Variants in TMED3 observed in about 807,000 individuals in gnomAD.
The protein encoded by TMED3 is transmembrane emp24 domain-containing protein 3.
A neutral mutation model predicts 15.0 loss-of-function variants in TMED3; 9 were observed. The ratio of observed to expected loss-of-function variants is 0.60; its 90% confidence interval spans 0.36 to 1.04. TMED3 has a LOEUF of 1.04. Ranked by LOEUF, TMED3 falls within the 50% of genes least tolerant of loss-of-function variation. The probability of loss-of-function intolerance (pLI) is 0.01; values close to 1 mark genes in which losing one functional copy is unlikely to be tolerated. For missense variants in TMED3, 267 were observed against 278.9 expected (o/e 0.96, Z 0.30); for synonymous variants, 117 against 121.4 (o/e 0.96, Z 0.24).
intron 2 of TMED3, among the ~76,000 whole-genome samples, chr15:79,405,416 T>C (rs1211257918): frequency 1.3e-5 from 2 of 152,136 alleles, no homozygotes; most frequent in Non-Finnish European, 2.9e-5. Context: ...TATTAGAGAA[T>C]CCTCTCTCAC....
At chr15:79,413,733 C>T (rs1252487392) in exon 3 of TMED3, 1 of 152,144 alleles carries the variant, frequency 6.6e-6, no homozygotes, top group Admixed American at 6.5e-5. Context: ...ATCTGTGAGT[C>T]CTGGTTGGAC....
downstream of TMED3, among the ~76,000 whole-genome samples, chr15:79,325,198 A>G (rs999962115): frequency 1.5e-4 from 23 of 152,200 alleles, no homozygotes; most frequent in Non-Finnish European, 3.1e-4. Context: ...CTTGCTCCAT[A>G]CCATAGATTT....
Position 79,322,209 on chromosome 15 carries a change from T to C in TMED3, c.649T>C (p.Ser217Pro). Residue 217 changes from serine to proline, a missense_variant, in exon 3 of 3, where the codon TCC becomes CCC. Physicochemically the swap from Ser to Pro is moderately conservative, Grantham distance 74. Coordinates refer to ENST00000299705, the MANE Select transcript of TMED3 (RefSeq NM_007364.4). ...EKRPISRAVH[S>P] is the part of the protein sequence containing the mutation. ...ACGACCCATCAGCAGGGCAGTCCAC[T>C]CCTAGCCCCGGCATCCTGCTCTAGG... The C allele has an allele frequency of 6.2e-7, 1 of 1,612,322 alleles. No homozygotes were observed. Among genetic ancestry groups the C allele is most frequent in the Non-Finnish European group, 8.5e-7 (1 of 1,178,874 alleles).
intron 2 of TMED3, among the ~76,000 whole-genome samples, chr15:79,358,643 C>A (rs1014688780): frequency 6.6e-6 from 1 of 152,210 alleles, no homozygotes; most frequent in Non-Finnish European, 1.5e-5. Context: ...GGACCTCTGA[C>A]CACTGCCTTC....
intron 2 of TMED3, among the ~76,000 whole-genome samples, chr15:79,386,600 T>C (rs1352155844): frequency 6.6e-6 from 1 of 151,816 alleles, no homozygotes; most frequent in Admixed American, 6.6e-5. Context: ...AGTGCAGTGG[T>C]GCGATCTCAG....
chr15:79,386,646 T>A (rs12437750), intron 2 of TMED3, among the ~76,000 whole-genome samples: 1 of 151,668 alleles, frequency 6.6e-6, no homozygotes, highest in South Asian at 2.1e-4. Flanking sequence ...TTCAAGCAAT[T>A]CTCTGCCTCA....
intron 2 of TMED3, among the ~76,000 whole-genome samples, chr15:79,339,652 G>A (rs2058842510): frequency 1.3e-5 from 2 of 152,260 alleles, no homozygotes; most frequent in South Asian, 2.1e-4. Context: ...CTGCTAGCGG[G>A]TGGTGATGAC....
exon 3 of TMED3, chr15:79,411,585 C>T: frequency 4.4e-6 from 3 of 686,824 alleles, no homozygotes; most frequent in Non-Finnish European, 5.3e-6. Context: ...AGCTGCTGCA[C>T]AGAGCTACCA....
At chr15:79,391,172 T>G (rs1377969050) in intron 2 of TMED3, among the ~76,000 whole-genome samples, 2 of 152,032 alleles carry the variant, frequency 1.3e-5, no homozygotes, top group East Asian at 3.9e-4. Flanking sequence ...CAGGTGTGGA[T>G]GTCAGTTAGA....
chr15:79,365,785 C>T (rs1013410182), intron 2 of TMED3, among the ~76,000 whole-genome samples: 11 of 152,194 alleles, frequency 7.2e-5, no homozygotes, highest in South Asian at 4.1e-4. Context: ...TTAATTTTTT[C>T]CTTTTGGCAC....
chr15:79,354,494 T>C (rs1389201488), intron 2 of TMED3, among the ~76,000 whole-genome samples: 1 of 152,142 alleles, frequency 6.6e-6, no homozygotes, highest in Non-Finnish European at 1.5e-5. Context: ...GATCATGTAG[T>C]CTTCTTCTAT....
At chr15:79,350,338 G>T (rs1054813085) in intron 2 of TMED3, among the ~76,000 whole-genome samples, 1 of 152,098 alleles carries the variant, frequency 6.6e-6, no homozygotes, top group African/African-American at 2.4e-5. Context: ...ATGATAAGCC[G>T]TCTGCAAGCT....
At chr15:79,357,796 GACTGAAAAACTC>G (rs919341747) in intron 2 of TMED3, among the ~76,000 whole-genome samples, 19 of 152,206 alleles carry the variant, frequency 1.2e-4, no homozygotes, top group African/African-American at 4.3e-4. Flanking sequence ...AGTTGCAAAG[GACTGAAAAACTC>G]ACTTCCCTTT....
chr15:79,341,169 A>G (rs1169228843), intron 2 of TMED3, among the ~76,000 whole-genome samples: 1 of 122,276 alleles, frequency 8.2e-6, no homozygotes, highest in African/African-American at 3.1e-5. Context: ...ATTCAGCCTG[A>G]GTGACACAGC....
At chr15:79,409,996 A>C (rs1272478391) in intron 2 of TMED3, among the ~76,000 whole-genome samples, 1 of 152,152 alleles carries the variant, frequency 6.6e-6, no homozygotes, top group Non-Finnish European at 1.5e-5. Flanking sequence ...CTGAGTTTAG[A>C]TAAGAGGTAT....
At chr15:79,328,697 G>A (rs2058796516) in intron 2 of TMED3, among the ~76,000 whole-genome samples, 1 of 152,154 alleles carries the variant, frequency 6.6e-6, no homozygotes, top group East Asian at 1.9e-4. Flanking sequence ...CATCAAGCCT[G>A]GAGAAACCAC....
At chr15:79,326,875 A>G (rs2058789334), downstream of TMED3, among the ~76,000 whole-genome samples, 1 of 152,198 alleles carries the variant, frequency 6.6e-6, no homozygotes, top group Non-Finnish European at 1.5e-5. Flanking sequence ...ACTTATAAAG[A>G]AAAAATGGTT....
intron 2 of TMED3, among the ~76,000 whole-genome samples, chr15:79,364,304 T>C (rs1893187121): frequency 6.6e-6 from 1 of 152,188 alleles, no homozygotes; most frequent in Admixed American, 6.5e-5. Flanking sequence ...GCAAGCCCCC[T>C]GTGCAAGTTC....
At chr15:79,360,337 T>G (rs957973778) in intron 2 of TMED3, among the ~76,000 whole-genome samples, 2 of 152,136 alleles carry the variant, frequency 1.3e-5, no homozygotes, top group Non-Finnish European at 2.9e-5. Flanking sequence ...CAGGTTTCTG[T>G]GGGATAGACT....
Sources: gnomAD v4.1 joint callset for allele counts (sites outside exome capture counted in the v4.1 genomes callset) on GRCh38, gnomAD v4.1.1 for gene constraint, MANE v1.5 for transcripts, NCBI Gene and HGNC (gene_info 2026-07-23, HGNC 2026-07-21) for gene names.